Variants in PKD1L1 observed in about 807,000 individuals in gnomAD.
The protein encoded by PKD1L1 is polycystin-1-like protein 1.
PKD1L1 carries 236 observed loss-of-function variants against 323.4 expected under a neutral mutation model. That is an observed-to-expected ratio of 0.73 (90% confidence interval 0.66 to 0.81). PKD1L1 has a LOEUF of 0.81. Ranked by LOEUF, PKD1L1 falls within the 40% of genes least tolerant of loss-of-function variation. The probability of loss-of-function intolerance (pLI) is 0.00; values close to 1 mark genes in which losing one functional copy is unlikely to be tolerated. For synonymous variants in PKD1L1, 1,344 were observed against 1,335.0 expected, an observed-to-expected ratio of 1.01 and a Z score of -0.15; for missense variants, 3,320 against 3,508.0, an observed-to-expected ratio of 0.95 and a Z score of 1.35.
intron 41 of PKD1L1, 118 bp downstream of exon 41, chr7:47,832,972 A>G: frequency 7.5e-7 from 1 of 1,340,268 alleles, no homozygotes; most frequent in East Asian, 2.5e-5. Flanking sequence ...TTTTTAGATG[A>G]GACTAGAGTA....
In PKD1L1 at chr7:47,898,002, TG is replaced by T. The variant is rs771162743; in HGVS notation, c.2256del (p.Tyr752Ter). 13 of 1,611,654 alleles carry T rather than the reference TG, an allele frequency of 8.1e-6. No homozygotes were observed. The highest frequency in any genetic ancestry group is 1.7e-6 in the Non-Finnish European group (2 of 1,179,536). The part of the protein sequence containing the change: ...LPSHTLEYGN[Y>X]TALAKVQIEG... Reference sequence around the variant, plus strand: ...AGCCAGCTGACCTTGGCAAGGGCAGTGTAGTTCCCATACTCCAAGGTGTGGC... The same window carrying T: ...AGCCAGCTGACCTTGGCAAGGGCAGTTAGTTCCCATACTCCAAGGTGTGGC... On this transcript the variant is annotated frameshift_variant, in exon 14 of 57. Transcript: ENST00000289672. LOFTEE classifies it high-confidence loss of function.
chr7:47,776,986 G>T (rs1786582468), intron 56 of PKD1L1, among the ~76,000 whole-genome samples: 1 of 152,128 alleles, frequency 6.6e-6, no homozygotes, highest in African/African-American at 2.4e-5. Flanking sequence ...CCGCCTCCCA[G>T]GTTCAATCAA....
chr7:47,959,032 C>G, the PKD1L1 span, among the ~76,000 whole-genome samples: 1 of 152,254 alleles, frequency 6.6e-6, no homozygotes, highest in Non-Finnish European at 1.5e-5. Context: ...CTGTGTTGGC[C>G]GGGCTGGTCT....
intron 46 of PKD1L1, chr7:47,818,131 A>C: frequency 7.3e-7 from 1 of 1,367,792 alleles, no homozygotes; most frequent in Non-Finnish European, 9.8e-7. Flanking sequence ...CAGAGGGTGG[A>C]ATGAAGCAAC....
intron 14 of PKD1L1, among the ~76,000 whole-genome samples, chr7:47,894,474 T>C (rs1396139812): frequency 6.6e-6 from 1 of 152,210 alleles, no homozygotes; most frequent in Non-Finnish European, 1.5e-5. Context: ...CTTTAGGAAA[T>C]GTAAATGAAA....
chr7:47,932,187 T>A (rs1787784996), intron 4 of PKD1L1, 131 bp from the exon 5 acceptor site: 11 of 1,397,868 alleles, frequency 7.9e-6, no homozygotes, highest in Non-Finnish European at 1.1e-5. Flanking sequence ...GATTGCAGGC[T>A]CATTCCTGGG....
At chr7:47,821,493 T>C (rs1458046903) in intron 45 of PKD1L1, among the ~76,000 whole-genome samples, 1 of 152,038 alleles carries the variant, frequency 6.6e-6, no homozygotes, top group African/African-American at 2.4e-5. Flanking sequence ...GGTCTAGAAC[T>C]CCTGACCTCA....
chr7:47,884,147 G>A (rs781673379), intron 19 of PKD1L1, among the ~76,000 whole-genome samples: 3 of 149,540 alleles, frequency 2.0e-5, no homozygotes, highest in Non-Finnish European at 2.9e-5. Flanking sequence ...TAAATACTGA[G>A]CTGGTGTGTG....
At chr7:47,818,378 CATT>C (rs1016086354) in intron 46 of PKD1L1, among the ~76,000 whole-genome samples, 4 of 152,204 alleles carry the variant, frequency 2.6e-5, no homozygotes. Flanking sequence ...TGACGACAAA[CATT>C]GTACATTTAT....
chr7:47,798,745 ACTCTGTCT>A (rs1784596548), intron 54 of PKD1L1, among the ~76,000 whole-genome samples: 1 of 117,822 alleles, frequency 8.5e-6, no homozygotes, highest in Non-Finnish European at 1.8e-5. Flanking sequence ...ACAGAGTGAG[ACTCTGTCT>A]CAAAAAAAAA....
rs560792934 is a variant in PKD1L1 at position 47,781,414 on chromosome 7, T to G, written c.8527-6248A>C. 8.2e-3 allele frequency among the ~76,000 whole-genome samples: 1,004 copies of G among 122,142 alleles called. 11 individuals carry two copies. The highest frequency in any genetic ancestry group is 0.027 in the African/African-American group (868 of 32,734). 80.1% of individuals were successfully genotyped at this position (122,142 alleles called of 152,430 possible). On this transcript the variant is annotated intron_variant, in intron 56 of 56. Transcript: ENST00000289672. Reference sequence around the variant, plus strand: ...TTTTTTTTTTGTTTTGTTTTGTTTTTTTTTTTTTTTTTGAGACAGAGTCTC... The same window carrying G: ...TTTTTTTTTTGTTTTGTTTTGTTTTGTTTTTTTTTTTTGAGACAGAGTCTC...
rs147025981 is a variant in PKD1L1, at chr7:47,944,784, C to A, written c.45-1273G>T. ...TCATCATCTGGTCCCTGGTCATTCC[C>A]TTTCAGCCTGTAGCTCCTTGGGTCC... On this transcript the variant is annotated intron_variant, in intron 1 of 56. Coordinates refer to ENST00000289672, the MANE Select transcript of PKD1L1 (RefSeq NM_138295.5). 5.0e-3 allele frequency among the ~76,000 whole-genome samples: 769 copies of A among 152,356 alleles called. 6 individuals carry two copies. Among genetic ancestry groups the A allele is most frequent in the African/African-American group, 0.018 (736 of 41,582 alleles).
intron 49 of PKD1L1, 54 bp from the exon 50 acceptor site, chr7:47,812,105 T>A (rs754012378): frequency 5.6e-6 from 8 of 1,431,988 alleles, no homozygotes; most frequent in Non-Finnish European, 6.7e-6. Flanking sequence ...GGCACAGAAG[T>A]CTACTGAGGC....
In PKD1L1 at chr7:47,800,714, G is replaced by A. The variant is rs1367784047; in HGVS notation, c.8128C>T (p.Gln2710Ter). Reference protein sequence around the residue: ...DCLLGLSKSDQRAMACYFGIL... With the variant: ...DCLLGLSKSD ...CCAAAGTAACAAGCCATGGCCCGCT[G>A]GTCAGACTTGGAAAGGCCAAGGAGG... The change falls in exon 54 of 57, where the codon CAG becomes TAG. Residue 2710 changes from glutamine (Q) to a stop codon, truncating the protein, a stop_gained. Transcript: ENST00000289672. LOFTEE classifies it high-confidence loss of function. 1.2e-6 allele frequency: 2 copies of A among 1,614,182 alleles called. No individual in the cohort carries two copies. Among genetic ancestry groups the A allele is most frequent in the Non-Finnish European group, 1.7e-6 (2 of 1,180,038 alleles).
the PKD1L1 span, among the ~76,000 whole-genome samples, chr7:47,954,135 G>A: frequency 4.6e-5 from 7 of 152,232 alleles, no homozygotes; most frequent in Non-Finnish European, 1.0e-4. Context: ...ACTGGATGAT[G>A]TCATGGTGCG....
At chr7:47,855,494 AAAGTATTTTG>A (rs2128741770) in intron 28 of PKD1L1, among the ~76,000 whole-genome samples, 1 of 152,352 alleles carries the variant, frequency 6.6e-6, no homozygotes, top group Admixed American at 6.5e-5. Context: ...AATAATTTCT[AAAGTATTTTG>A]AAGTATTTTT....
At chr7:47,818,238 G>A in intron 46 of PKD1L1, 2 of 1,314,422 alleles carry the variant, frequency 1.5e-6, no homozygotes, top group South Asian at 1.2e-5. Context: ...CAAAGGAAAG[G>A]AAGAATGAGC....
intron 21 of PKD1L1, among the ~76,000 whole-genome samples, chr7:47,878,111 C>T (rs886832363): frequency 9.9e-5 from 15 of 152,104 alleles, no homozygotes; most frequent in African/African-American, 3.4e-4. Flanking sequence ...CACATACACA[C>T]GTACGTACAG....
intron 17 of PKD1L1, among the ~76,000 whole-genome samples, chr7:47,886,273 C>A (rs927265076): frequency 1.3e-5 from 2 of 152,036 alleles, no homozygotes; most frequent in Admixed American, 1.3e-4. Flanking sequence ...AAGTAGAAGG[C>A]AGGATTCACA....
Sources: allele counts gnomAD v4.1 joint callset (sites outside exome capture counted in the v4.1 genomes callset), GRCh38; gene constraint gnomAD v4.1.1; transcripts MANE v1.5; gene names NCBI Gene and HGNC (gene_info 2026-07-23, HGNC 2026-07-21).